Variants in MAGI2 observed in about 807,000 individuals in gnomAD.
MAGI2 encodes membrane-associated guanylate kinase, WW and PDZ domain-containing protein 2.
A neutral mutation model predicts 133.3 loss-of-function variants in MAGI2; 35 were observed. The observed-to-expected ratio is 0.26, with a 90% CI of 0.20 to 0.35. MAGI2 has a LOEUF of 0.35. Among genes scored for constraint, MAGI2 ranks in the 10% least tolerant of loss-of-function variants. The pLI, the probability that MAGI2 is intolerant of heterozygous loss-of-function variation, is 1.00. For synonymous variants in MAGI2, 729 were observed against 710.6 expected, an observed-to-expected ratio of 1.03 and a Z score of -0.41; for missense variants, 1,636 against 1,863.4, an observed-to-expected ratio of 0.88 and a Z score of 2.25.
Position 78,135,087 on chromosome 7 carries a change from C to T in MAGI2, c.2965G>A (p.Ala989Thr), listed in dbSNP as rs749774221. 1.9e-6 allele frequency: 3 copies of T among 1,614,026 alleles called. No homozygotes were observed. Among genetic ancestry groups the T allele is most frequent in the Middle Eastern group, 1.6e-4 (1 of 6,082 alleles). Residue 989 changes from alanine to threonine, a missense_variant, in exon 17 of 22, where the codon GCT becomes ACT. This residue lies in a region of MAGI2 where 920 missense variants were observed against 1,093.5 expected (regional missense o/e 0.84). Transcript: ENST00000354212. ...NGQSIINMPH[A>T]DIVKLIKDAG... ...TCCTTGATGAGCTTCACGATGTCAG[C>T]GTGAGGCATGTTGATGATAGACTGG...
intron 6 of MAGI2, among the ~76,000 whole-genome samples, chr7:78,445,714 AT>A (rs951025920): frequency 1.3e-5 from 2 of 151,974 alleles, no homozygotes; most frequent in South Asian, 2.1e-4. Context: ...TTTATATCAG[AT>A]TTTTTAGATC....
At chr7:79,195,544 G>A (rs1486044749) in intron 1 of MAGI2, among the ~76,000 whole-genome samples, 2 of 152,104 alleles carry the variant, frequency 1.3e-5, no homozygotes, top group East Asian at 3.9e-4. Flanking sequence ...AAATGGAAAA[G>A]TGATTCAATT....
intron 16 of MAGI2, among the ~76,000 whole-genome samples, chr7:78,143,529 A>G (rs1360702916): frequency 6.6e-6 from 1 of 152,144 alleles, no homozygotes; most frequent in Non-Finnish European, 1.5e-5. Flanking sequence ...AAAAATTTCA[A>G]AATTCATATA....
intron 1 of MAGI2, among the ~76,000 whole-genome samples, chr7:79,245,325 C>T (rs1832740913): frequency 6.6e-6 from 1 of 152,192 alleles, no homozygotes. Flanking sequence ...CAGGTGGACT[C>T]ATAGGGTCTC....
At chr7:78,635,819 CA>C (rs948894588) in intron 2 of MAGI2, among the ~76,000 whole-genome samples, 3 of 152,224 alleles carry the variant, frequency 2.0e-5, no homozygotes, top group African/African-American at 7.2e-5. Flanking sequence ...TAAAAACATA[CA>C]TCCGATAGAT....
chr7:79,428,477 A>G (rs1042956319), intron 1 of MAGI2, among the ~76,000 whole-genome samples: 4 of 152,180 alleles, frequency 2.6e-5, no homozygotes, highest in African/African-American at 7.2e-5. Context: ...CTGTCTTGCC[A>G]TGCTGATATT....
In MAGI2 at chr7:78,572,153, T is replaced by A. The variant is rs552139629; in HGVS notation, c.539-50508A>T. 2.0e-5 allele frequency among the ~76,000 whole-genome samples: 3 copies of A among 152,300 alleles called. No individual in the cohort carries two copies. In the South Asian group the frequency reaches 6.2e-4, roughly 32 times the overall value. ...GGGAAAATAAATGTCTTTATTTTGC[T>A]GCTTGTGGTCATTTCGTGGTTCAGC... On this transcript the variant is annotated intron_variant, in intron 3 of 21. Coordinates refer to ENST00000354212, the MANE Select transcript of MAGI2 (RefSeq NM_012301.4).
chr7:79,433,278 G>A (rs1014973350), intron 1 of MAGI2, among the ~76,000 whole-genome samples: 1 of 152,050 alleles, frequency 6.6e-6, no homozygotes, highest in African/African-American at 2.4e-5. Flanking sequence ...TTGGCCAGGC[G>A]CGGTGGCTCA....
chr7:78,584,913 A>C (rs777875623), intron 3 of MAGI2, among the ~76,000 whole-genome samples: 1 of 152,220 alleles, frequency 6.6e-6, no homozygotes, highest in Non-Finnish European at 1.5e-5. Context: ...TGTACCTCAC[A>C]GGGGTTTTGT....
chr7:79,292,770 C>CAAACAAAAAAAAAAAAAAA (rs1836599854), intron 1 of MAGI2, among the ~76,000 whole-genome samples: 1 of 57,408 alleles, frequency 1.7e-5, no homozygotes, highest in East Asian at 4.0e-4. Context: ...TCAATTTCTG[C>CAAACAAAAAAAAAAAAAAA]AAAAAAAAAA....
intron 3 of MAGI2, among the ~76,000 whole-genome samples, chr7:78,541,707 C>T (rs574475888): frequency 1.8e-4 from 27 of 152,282 alleles, no homozygotes; most frequent in African/African-American, 6.5e-4. Flanking sequence ...ATGGGTCACT[C>T]TAGGTCATTA....
Position 79,003,008 on chromosome 7 carries a change from A to C in MAGI2, c.418+4082T>G, listed in dbSNP as rs142234889. 2.5e-3 allele frequency among the ~76,000 whole-genome samples: 386 copies of C among 151,634 alleles called. 1 individual carries two copies. The highest frequency in any genetic ancestry group is 8.8e-3 in the African/African-American group (362 of 41,300). Reference sequence around the variant, plus strand: ...GTCAGTCCTTGTTTATGGGGCATGGAACAGATTGATGGGCTTTTTGTATTA... The same window carrying C: ...GTCAGTCCTTGTTTATGGGGCATGGCACAGATTGATGGGCTTTTTGTATTA... On this transcript the variant is annotated intron_variant, in intron 2 of 21. Coordinates refer to ENST00000354212, the MANE Select transcript of MAGI2 (RefSeq NM_012301.4).
intron 2 of MAGI2, among the ~76,000 whole-genome samples, chr7:79,001,329 A>G (rs1244569333): frequency 6.6e-6 from 1 of 152,208 alleles, no homozygotes; most frequent in Non-Finnish European, 1.5e-5. Flanking sequence ...ATATTTCCCA[A>G]TAAAACTGTC....
intron 9 of MAGI2, among the ~76,000 whole-genome samples, chr7:78,302,269 G>A (rs569882880): frequency 1.3e-5 from 2 of 152,178 alleles, no homozygotes; most frequent in South Asian, 2.1e-4. Context: ...CTATGGAAAA[G>A]TTCCATATAA....
chr7:78,262,158 T>C (rs1293223965), intron 9 of MAGI2, among the ~76,000 whole-genome samples: 1 of 152,168 alleles, frequency 6.6e-6, no homozygotes, highest in African/African-American at 2.4e-5. Flanking sequence ...TCTACTGACT[T>C]TACACATCAG....
At chr7:78,622,173 C>G (rs1002134630) in intron 3 of MAGI2, among the ~76,000 whole-genome samples, 1 of 152,016 alleles carries the variant, frequency 6.6e-6, no homozygotes, top group Non-Finnish European at 1.5e-5. Context: ...GTTACATTAG[C>G]AGTCTTGCTG....
intron 3 of MAGI2, among the ~76,000 whole-genome samples, chr7:78,553,107 A>C (rs1446319480): frequency 5.3e-5 from 8 of 150,808 alleles, no homozygotes; most frequent in Non-Finnish European, 1.0e-4. Flanking sequence ...AAAAAAAAAA[A>C]ACAAACACCA....
intron 1 of MAGI2, among the ~76,000 whole-genome samples, chr7:79,012,626 A>G (rs1808278114): frequency 6.6e-6 from 1 of 152,186 alleles, no homozygotes; most frequent in Non-Finnish European, 1.5e-5. Flanking sequence ...ATGCTGTAGT[A>G]GAAAGAACAC....
intron 1 of MAGI2, among the ~76,000 whole-genome samples, chr7:79,179,124 A>G (rs1826381817): frequency 6.6e-6 from 1 of 152,050 alleles, no homozygotes; most frequent in Non-Finnish European, 1.5e-5. Context: ...TAAAAAATGC[A>G]CCACATATAT....
Sources: gnomAD v4.1 joint callset for allele counts (sites outside exome capture counted in the v4.1 genomes callset) on GRCh38, gnomAD v4.1.1 for gene constraint, gnomAD v4.1.1 regional missense constraint, MANE v1.5 for transcripts, NCBI Gene and HGNC (gene_info 2026-07-23, HGNC 2026-07-21) for gene names.